The following TP53BP1 variants were observed in gnomAD, a reference collection of about 807,000 sequenced individuals.
The protein encoded by TP53BP1 is TP53-binding protein 1.
In TP53BP1, 61 loss-of-function variants were observed where a neutral mutation model predicts 200.8. The observed-to-expected ratio is 0.30, with a 90% CI of 0.25 to 0.38. The LOEUF (loss-of-function observed/expected upper bound fraction) is 0.38, where lower values mean the gene tolerates loss of function less well. TP53BP1 is among the 10% of genes least tolerant of loss of function. The pLI is 1.00. For missense variants in TP53BP1, 2,144 were observed against 2,371.9 expected, an observed-to-expected ratio of 0.90 and a Z score of 2.00; for synonymous variants, 822 against 844.3, an observed-to-expected ratio of 0.97 and a Z score of 0.46.
intron 10 of TP53BP1, among the ~76,000 whole-genome samples, chr15:43,471,693 A>G (rs898882725): frequency 3.3e-5 from 5 of 152,186 alleles, no homozygotes; most frequent in African/African-American, 1.2e-4. Flanking sequence ...CTCCCAAAGT[A>G]TTGGGATTAC....
At chr15:43,459,856 G>A (rs1352157691) in intron 11 of TP53BP1, among the ~76,000 whole-genome samples, 1 of 151,990 alleles carries the variant, frequency 6.6e-6, no homozygotes, top group African/African-American at 2.4e-5. Context: ...TTTTAGAAAT[G>A]GGATCCTGCT....
intron 16 of TP53BP1, among the ~76,000 whole-genome samples, chr15:43,433,818 G>A (rs2045728100): frequency 6.6e-6 from 1 of 152,196 alleles, no homozygotes; most frequent in Non-Finnish European, 1.5e-5. Context: ...TAGAAACTAT[G>A]TCATATGTTG....
At chr15:43,464,613 A>C (rs981777647) in intron 11 of TP53BP1, among the ~76,000 whole-genome samples, 1 of 152,186 alleles carries the variant, frequency 6.6e-6, no homozygotes, top group African/African-American at 2.4e-5. Flanking sequence ...AGCAATAAAA[A>C]GGAATGAAGG....
chr15:43,424,130 G>T (rs2045472135), intron 18 of TP53BP1, among the ~76,000 whole-genome samples: 1 of 152,104 alleles, frequency 6.6e-6, no homozygotes, highest in Admixed American at 6.5e-5. Flanking sequence ...GATATCCCCA[G>T]TGCATCTCAC....
intron 11 of TP53BP1, among the ~76,000 whole-genome samples, chr15:43,468,472 G>A (rs1049061696): frequency 2.6e-4 from 39 of 151,538 alleles, no homozygotes; most frequent in Admixed American, 1.1e-3. Flanking sequence ...ACTTGAGACT[G>A]GGAAGTCAAG....
In TP53BP1 at chr15:43,421,430, A is replaced by G. The variant is rs45555738; in HGVS notation, c.4101-256T>C. Among the ~76,000 whole-genome samples the G allele has an allele frequency of 1.4e-4, 21 of 152,276 alleles. No individual in the cohort carries two copies. The East Asian group carries it at 3.9e-3, about 28-fold the overall frequency. The stretch of plus-strand genomic sequence containing the variant: ...TTCCTACTGCTGCTGCAAAAACAGC[A>G]CACCCAATTTCTGCTATGCCTTCTC... On this transcript the variant is annotated intron_variant, in intron 19 of 27. Coordinates refer to ENST00000382044, the MANE Select transcript of TP53BP1 (RefSeq NM_001141980.3).
At chr15:43,443,204 G>A (rs912423143) in intron 14 of TP53BP1, among the ~76,000 whole-genome samples, 3 of 151,540 alleles carry the variant, frequency 2.0e-5, no homozygotes, top group African/African-American at 7.3e-5. Flanking sequence ...AAAAAAGTAT[G>A]TAATAATACA....
intron 11 of TP53BP1, 105 bp from the exon 12 acceptor site, chr15:43,457,323 T>A: frequency 9.2e-7 from 1 of 1,081,148 alleles, no homozygotes; most frequent in Non-Finnish European, 1.3e-6. Context: ...AATTTCTAAA[T>A]CAAATTTTTA....
Position 43,403,560 on chromosome 15 carries a change from C to T in TP53BP1, c.*3823G>A. The T allele has an allele frequency of 2.8e-6, 2 of 727,226 alleles. No individual in the cohort carries two copies. Among genetic ancestry groups the T allele is most frequent in the Non-Finnish European group, 4.7e-6 (2 of 425,914 alleles). The allele number at this position is 727,226 out of a possible 1,614,324, so 45.0% of individuals were successfully genotyped here. ...GGCCTTGCACGTGGCAGTGTCTATCCTGTCAGATTTGGGAGGTCAGCTATT... is the reference window on the plus strand; with the variant it reads ...GGCCTTGCACGTGGCAGTGTCTATCTTGTCAGATTTGGGAGGTCAGCTATT... On this transcript the variant is annotated 3_prime_UTR_variant, in exon 28 of 28. Coordinates refer to ENST00000382044, the MANE Select transcript of TP53BP1 (RefSeq NM_001141980.3).
Position 43,474,777 on chromosome 15 carries a change from AAG to A in TP53BP1, c.1086-12_1086-11del. 1 of 1,576,552 alleles carries A rather than the reference AAG, an allele frequency of 6.3e-7. No individual in the cohort carries two copies. Among genetic ancestry groups the A allele is most frequent in the East Asian group, 2.2e-5 (1 of 44,666 alleles). The stretch of plus-strand genomic sequence containing the variant: ...AAGATCTGAAGAATTCCTTTATATA[AAG>A]AGAGAATCACAGGTTATTTTACCAT... On this transcript the variant is annotated splice_polypyrimidine_tract_variant and intron_variant, in intron 9 of 27. Coordinates refer to ENST00000382044, the MANE Select transcript of TP53BP1 (RefSeq NM_001141980.3).
Position 43,413,325 on chromosome 15 carries a change from C to A in TP53BP1, c.5099G>T (p.Gly1700Val), listed in dbSNP as rs368286247. The A allele has an allele frequency of 4.1e-5, 66 of 1,613,622 alleles. No homozygotes were observed. The African/African-American group carries it at 7.9e-4, about 19-fold the overall frequency. ...ACAGGGGCTCACAAACTCTCCTGCCCCTACTGCACCTGGGAAGGACAGGGG... is the reference window on the plus strand; with the variant it reads ...ACAGGGGCTCACAAACTCTCCTGCCACTACTGCACCTGGGAAGGACAGGGG... ...KSATVKPGAV[G>V]AGEFVSPCES... Residue 1700 changes from glycine (G) to valine (V), a missense_variant, in exon 24 of 28, where the codon GGG becomes GTG. By Grantham distance (109) the Gly-to-Val change is moderately radical (BLOSUM62 -3). Coordinates refer to ENST00000382044, the MANE Select transcript of TP53BP1 (RefSeq NM_001141980.3).
intron 24 of TP53BP1, among the ~76,000 whole-genome samples, chr15:43,411,925 G>A (rs756110213): frequency 6.6e-6 from 1 of 151,794 alleles, no homozygotes; most frequent in Non-Finnish European, 1.5e-5. Context: ...TTGTAAAAGG[G>A]GGAAAAAAAA....
intron 11 of TP53BP1, among the ~76,000 whole-genome samples, chr15:43,462,486 T>C (rs72709850): frequency 0.17 from 26,403 of 151,488 alleles, 2,481 homozygotes; most frequent in Middle Eastern, 0.27. Context: ...ATTTTTTTTT[T>C]CTTTTGGTGG....
chr15:43,492,968 G>C (rs1185780885), intron 1 of TP53BP1, 69 bp downstream of exon 1: 9 of 1,536,164 alleles, frequency 5.9e-6, no homozygotes, highest in Non-Finnish European at 7.9e-6. Context: ...CCTCCGGTCA[G>C]CCATCCCTTC....
At chr15:43,415,419 G>T in intron 23 of TP53BP1, 175 bp downstream of exon 23, 2 of 729,762 alleles carry the variant, frequency 2.7e-6, no homozygotes, top group Non-Finnish European at 4.9e-6. Flanking sequence ...GTAGGGGATG[G>T]GGGAGGAGGG....
chr15:43,480,655 A>G (rs542643906), intron 5 of TP53BP1, among the ~76,000 whole-genome samples: 1 of 152,344 alleles, frequency 6.6e-6, no homozygotes, highest in Admixed American at 6.5e-5. Flanking sequence ...AATATTTGAA[A>G]AACAAATGAA....
chr15:43,479,249 A>C (rs542014806), intron 7 of TP53BP1, 148 bp downstream of exon 7: 1 of 754,164 alleles, frequency 1.3e-6, no homozygotes, highest in African/African-American at 1.8e-5. Context: ...TAAATAATCA[A>C]CGTTTCCAAT....
At chr15:43,409,228 C>G in intron 25 of TP53BP1, 132 bp from the exon 26 acceptor site, 2 of 759,372 alleles carry the variant, frequency 2.6e-6, no homozygotes, top group Non-Finnish European at 4.3e-6. Flanking sequence ...TTAGTCTATC[C>G]TGCCCAAGGC....
chr15:43,413,829 C>T (rs1369065440), intron 23 of TP53BP1, among the ~76,000 whole-genome samples: 1 of 151,306 alleles, frequency 6.6e-6, no homozygotes, highest in Non-Finnish European at 1.5e-5. Context: ...CAAGAAATGC[C>T]CCTTGTAGAT....
Sources: gnomAD v4.1 joint callset for allele counts (sites outside exome capture counted in the v4.1 genomes callset) on GRCh38, gnomAD v4.1.1 for gene constraint, MANE v1.5 for transcripts, NCBI Gene and HGNC (gene_info 2026-07-23, HGNC 2026-07-21) for gene names.